The following OXNAD1 variants were observed in gnomAD, a reference collection of about 807,000 sequenced individuals.
OXNAD1 encodes the protein oxidoreductase NAD-binding domain-containing protein 1.
In OXNAD1, 34 loss-of-function variants were observed where a neutral mutation model predicts 32.9. That is an observed-to-expected ratio of 1.03 (90% CI 0.79 to 1.38). The LOEUF (loss-of-function observed/expected upper bound fraction) is 1.38, where lower values mean the gene tolerates loss of function less well. OXNAD1 is among the 40% of genes most tolerant of loss of function. The pLI is 0.00. For synonymous variants in OXNAD1, 134 were observed against 135.2 expected, an observed-to-expected ratio of 0.99 and a Z score of 0.06; for missense variants, 407 against 379.4, an observed-to-expected ratio of 1.07 and a Z score of -0.60.
rs765619275 is a variant in OXNAD1, at chr3:16,345,788, C to CTGTCTGTGTGTGTGTGTGTGTG, written c.*31-3385_*31-3384insCTGTGTGTGTGTGTGTGTGTGT. ...TGAGCCAAAACCTTATAATAAATCT[C>CTGTCTGTGTGTGTGTGTGTGTG]TGTGTGTGTGTGTGTGTGTGTGTGT... On this transcript the variant is annotated intron_variant, in intron 9 of 9. Transcript: ENST00000606098. The surrounding 1 kb of genome is among the most constrained non-coding windows in gnomAD (Gnocchi z 5.2). 9.4e-5 allele frequency among the ~76,000 whole-genome samples: 12 copies of CTGTCTGTGTGTGTGTGTGTGTG among 127,170 alleles called. No homozygotes were observed. The highest frequency in any genetic ancestry group is 5.5e-4 in the South Asian group (2 of 3,608). The allele number at this position is 127,170 out of a possible 152,430, so 83.4% of individuals were successfully genotyped here.
At chr3:16,276,339 A>AT in intron 4 of OXNAD1, 3 of 198,158 alleles carry the variant, frequency 1.5e-5, no homozygotes, top group Non-Finnish European at 2.1e-5. Context: ...TTCTTCTGTG[A>AT]ATTTTTTTTT....
intron 9 of OXNAD1, among the ~76,000 whole-genome samples, chr3:16,332,417 CTT>C (rs34563846): frequency 0.12 from 18,464 of 148,490 alleles, 1,623 homozygotes; most frequent in African/African-American, 0.25. Flanking sequence ...TTGATTGCTT[CTT>C]TTTTTTTTTT....
rs2068380622 is a variant in OXNAD1 at position 16,316,261 on chromosome 3, T to C, written c.*30+12669T>C. On this transcript the variant is annotated intron_variant, in intron 9 of 9. Transcript: ENST00000435829. The surrounding 1 kb of genome is among the most constrained non-coding windows in gnomAD (Gnocchi z 4.5). ...CAGATTACCAGTATCTATAGGACTA[T>C]TTTGAGAAAAGCTGGGAGGCGGAGC... The C allele has an allele frequency of 6.2e-6, 1 of 161,618 alleles. No homozygotes were observed. Among genetic ancestry groups the C allele is most frequent in the Admixed American group, 6.4e-5 (1 of 15,590 alleles). The allele number at this position is 161,618 out of a possible 1,614,324, so 10.0% of individuals were successfully genotyped here. A position where few individuals can be genotyped will look rare whatever the true frequency, so the allele number is the denominator to read the frequency against.
At chr3:16,323,506 C>T (rs1311384933) in intron 9 of OXNAD1, 1 of 1,354,184 alleles carries the variant, frequency 7.4e-7, no homozygotes, top group East Asian at 2.3e-5. Context: ...TTAGAGGAAC[C>T]CAAAACCTGA....
Position 16,321,666 on chromosome 3 carries a change from T to C in OXNAD1, c.*31-15446T>C, listed in dbSNP as rs1004057034. On this transcript the variant is annotated intron_variant, in intron 9 of 9. Coordinates refer to the OXNAD1 transcript ENST00000435829. This position sits in a 1 kb window ranked among gnomAD's most constrained non-coding sequence, Gnocchi z 4.8. ...GAACAAGTGCTCCACACCAGTCACC[T>C]ACAGTCTTGGAATGAGGCAGGAAAT... Among the ~76,000 whole-genome samples, 7 of 152,084 alleles carry C rather than the reference T, an allele frequency of 4.6e-5. No homozygotes were observed. The highest frequency in any genetic ancestry group is 7.4e-5 in the Non-Finnish European group (5 of 68,012).
chr3:16,273,690 G>A (rs2065123368), intron 4 of OXNAD1, among the ~76,000 whole-genome samples: 1 of 152,072 alleles, frequency 6.6e-6, no homozygotes, highest in African/African-American at 2.4e-5. Flanking sequence ...CACCTGGCCA[G>A]TATTTTCTTT....
rs891985855 is a variant in OXNAD1, at chr3:16,287,378, G to A, written c.290+930G>A. ...TAGCAGTCTTGTGTGTTAATAGTTT[G>A]CCTTTGAATTTAGAACTAGAAAACA... On this transcript the variant is annotated intron_variant, in intron 5 of 8. Coordinates refer to ENST00000285083, the MANE Select transcript of OXNAD1 (RefSeq NM_138381.5). This position sits in a 1 kb window ranked among gnomAD's most constrained non-coding sequence, Gnocchi z 4.8. Among the ~76,000 whole-genome samples, 2 of 152,156 alleles carry A rather than the reference G, an allele frequency of 1.3e-5. No homozygotes were observed. The highest frequency in any genetic ancestry group is 6.5e-5 in the Admixed American group (1 of 15,276).
At chr3:16,286,951 A>T (rs1355962236) in intron 5 of OXNAD1, among the ~76,000 whole-genome samples, 1 of 152,142 alleles carries the variant, frequency 6.6e-6, no homozygotes, top group Non-Finnish European at 1.5e-5. Flanking sequence ...TATCATATGT[A>T]CCTTATTTGG....
chr3:16,294,725 T>C, intron 5 of OXNAD1, 131 bp from the exon 6 acceptor site: 4 of 852,104 alleles, frequency 4.7e-6, no homozygotes, highest in Non-Finnish European at 6.9e-6. Context: ...AGCTTTGTGA[T>C]GATATCTCCT....
rs1379320878 is a variant in OXNAD1 at position 16,305,451 on chromosome 3, C to T, written c.*1889C>T. On this transcript the variant is annotated 3_prime_UTR_variant, in exon 9 of 9. Coordinates refer to ENST00000285083, the MANE Select transcript of OXNAD1 (RefSeq NM_138381.5). This position sits in a 1 kb window ranked among gnomAD's most constrained non-coding sequence, Gnocchi z 4.5. ...TATTGGCAGAATTGCTGAGATGGGCCAGGTCATCACCTTTGCCTGGAGTGT... is the reference window on the plus strand; with the variant it reads ...TATTGGCAGAATTGCTGAGATGGGCTAGGTCATCACCTTTGCCTGGAGTGT... The T allele has an allele frequency of 6.6e-6, 1 of 152,286 alleles. No individual in the cohort carries two copies. The highest frequency in any genetic ancestry group is 1.5e-5 in the Non-Finnish European group (1 of 68,094). 9.4% of individuals were successfully genotyped at this position (152,286 alleles called of 1,614,324 possible).
chr3:16,269,350 G>C (rs842258), intron 2 of OXNAD1, 75 bp downstream of exon 2: 1 of 1,468,650 alleles, frequency 6.8e-7, no homozygotes, highest in Non-Finnish European at 9.2e-7. Flanking sequence ...GAAAAACTAC[G>C]TTTAGTGGTC....
In OXNAD1 at chr3:16,302,542, G is replaced by A. The variant is rs1029064769; in HGVS notation, c.676-98G>A. On this transcript the variant is annotated intron_variant, in intron 7 of 8. Transcript: ENST00000285083. This position sits in a 1 kb window ranked among gnomAD's most constrained non-coding sequence, Gnocchi z 4.2. Reference sequence around the variant, plus strand: ...TAAGTAGAGAGCGAGAGCGGCAGACGTGTGCAGAATGGGAGTTGAGGTTCA... The same window carrying A: ...TAAGTAGAGAGCGAGAGCGGCAGACATGTGCAGAATGGGAGTTGAGGTTCA... The A allele has an allele frequency of 1.0e-5, 8 of 766,218 alleles. No homozygotes were observed. Among genetic ancestry groups the A allele is most frequent in the South Asian group, 3.3e-5 (2 of 60,588 alleles). The allele number at this position is 766,218 out of a possible 1,614,324, so 47.5% of individuals were successfully genotyped here.
At position 16,336,267 on chromosome 3, in the gene OXNAD1, C is replaced by A. The variant is rs550707996; in HGVS notation, c.*31-845C>A. ...TTCATGAATCTCACATTCAGTCAGC[C>A]TGGCTCTGTCTGTGCCACTTGGGAA... On this transcript the variant is annotated intron_variant, in intron 9 of 9. Coordinates refer to the OXNAD1 transcript ENST00000435829. This position sits in a 1 kb window ranked among gnomAD's most constrained non-coding sequence, Gnocchi z 6.0. Among the ~76,000 whole-genome samples, 1 of 152,352 alleles carries A rather than the reference C, an allele frequency of 6.6e-6. No individual in the cohort carries two copies. The highest frequency in any genetic ancestry group is 1.9e-4 in the East Asian group (1 of 5,190).
In OXNAD1 at chr3:16,299,826, T is replaced by G. The variant is rs1289090207; in HGVS notation, c.433-1800T>G. On this transcript the variant is annotated intron_variant, in intron 6 of 8. Transcript: ENST00000285083. The surrounding 1 kb of genome is among the most constrained non-coding windows in gnomAD (Gnocchi z 4.4). ...TACAAGTTTCTTTATTCCTAGAATCTGTTTTTTAGTGACAGGGAAGAAGGA... is the reference window on the plus strand; with the variant it reads ...TACAAGTTTCTTTATTCCTAGAATCGGTTTTTTAGTGACAGGGAAGAAGGA... 6.6e-6 allele frequency among the ~76,000 whole-genome samples: 1 copy of G among 152,250 alleles called. No homozygotes were observed. Among genetic ancestry groups the G allele is most frequent in the East Asian group, 1.9e-4 (1 of 5,204 alleles).
intron 4 of OXNAD1, among the ~76,000 whole-genome samples, chr3:16,279,278 A>G (rs2065578513): frequency 6.6e-6 from 1 of 152,098 alleles, no homozygotes. Context: ...CCAAGGAAGT[A>G]TAGTCTGATG....
chr3:16,308,035 A>G (rs764894158), downstream of OXNAD1, among the ~76,000 whole-genome samples: 2 of 152,238 alleles, frequency 1.3e-5, no homozygotes, highest in Non-Finnish European at 2.9e-5. The surrounding 1 kb of genome is among the most constrained non-coding windows in gnomAD (Gnocchi z 4.4). Flanking sequence ...TTTATTGAGC[A>G]TCTGCTATGT....
In OXNAD1 at chr3:16,304,070, C is replaced by T. The variant is rs1416718054; in HGVS notation, c.*508C>T. On this transcript the variant is annotated 3_prime_UTR_variant, in exon 9 of 9. Transcript: ENST00000285083. The surrounding 1 kb of genome is among the most constrained non-coding windows in gnomAD (Gnocchi z 4.6). ...ACCATGGCCTACAGTCTTATTTGGTCCATCAAAGTTAAGTTTGGACATGGA... is the reference window on the plus strand; with the variant it reads ...ACCATGGCCTACAGTCTTATTTGGTTCATCAAAGTTAAGTTTGGACATGGA... 6.6e-6 allele frequency: 1 copy of T among 152,142 alleles called. No individual in the cohort carries two copies. Among genetic ancestry groups the T allele is most frequent in the Non-Finnish European group, 1.5e-5 (1 of 68,062 alleles). 9.4% of individuals were successfully genotyped at this position (152,142 alleles called of 1,614,324 possible).
chr3:16,303,637 A>G lies in OXNAD1; in HGVS notation c.*75A>G. On this transcript the variant is annotated 3_prime_UTR_variant, in exon 9 of 9. Transcript: ENST00000285083. This position sits in a 1 kb window ranked among gnomAD's most constrained non-coding sequence, Gnocchi z 4.8. ...GCTCCTGTCCTTTGTGGCATGATTA[A>G]TTTTTTTTATCTCTACTTGAGTTGT... 1.4e-6 allele frequency: 2 copies of G among 1,457,328 alleles called. No homozygotes were observed. Among genetic ancestry groups the G allele is most frequent in the Non-Finnish European group, 9.2e-7 (1 of 1,091,586 alleles). 90.3% of individuals were successfully genotyped at this position (1,457,328 alleles called of 1,614,324 possible).
In OXNAD1 at chr3:16,287,136, T is replaced by C. The variant is rs2066130614; in HGVS notation, c.290+688T>C. On this transcript the variant is annotated intron_variant, in intron 5 of 8. Transcript: ENST00000285083. This position sits in a 1 kb window ranked among gnomAD's most constrained non-coding sequence, Gnocchi z 4.8. ...TCCCTGAGCTTCAATTCAAGTTCAA[T>C]TGTAAGGAAAGCAACTTGAATTTCC... Among the ~76,000 whole-genome samples the C allele has an allele frequency of 6.6e-6, 1 of 152,176 alleles. No individual in the cohort carries two copies. The highest frequency in any genetic ancestry group is 2.4e-5 in the African/African-American group (1 of 41,442).
Sources: allele counts gnomAD v4.1 joint callset (sites outside exome capture counted in the v4.1 genomes callset), GRCh38; gene constraint gnomAD v4.1.1; non-coding constraint Gnocchi (gnomAD v3.1); transcripts MANE v1.5; gene names NCBI Gene and HGNC (gene_info 2026-07-23, HGNC 2026-07-21).